ROBO1: variants seen among roughly 807,000 people sequenced by gnomAD.
The protein encoded by ROBO1 is roundabout guidance receptor 1, also known as roundabout homolog 1.
ROBO1 carries 149 observed loss-of-function variants against 195.9 expected under a neutral mutation model. That is an observed-to-expected ratio of 0.76 (90% CI 0.67 to 0.87). ROBO1 has a LOEUF of 0.87. Ranked by LOEUF, ROBO1 falls within the 40% of genes least tolerant of loss-of-function variation. The pLI, the probability that ROBO1 is intolerant of heterozygous loss-of-function variation, is 0.00. For synonymous variants in ROBO1, 816 were observed against 733.2 expected, an observed-to-expected ratio of 1.11 and a Z score of -1.82; for missense variants, 1,933 against 2,068.3, an observed-to-expected ratio of 0.93 and a Z score of 1.27.
At chr3:79,123,073 C>T (rs1576702825) in intron 3 of ROBO1, among the ~76,000 whole-genome samples, 2 of 151,976 alleles carry the variant, frequency 1.3e-5, no homozygotes, top group Non-Finnish European at 2.9e-5. Flanking sequence ...CAATGACTTA[C>T]GTGAAAATTG....
chr3:79,019,276 C>A, intron 3 of ROBO1: 7 of 985,860 alleles, frequency 7.1e-6, no homozygotes, highest in Non-Finnish European at 8.4e-6. Flanking sequence ...GGGGCAGCTG[C>A]CTGCACCCCT....
At chr3:79,676,564 C>A (rs1042245054) in intron 1 of ROBO1, among the ~76,000 whole-genome samples, 1 of 152,094 alleles carries the variant, frequency 6.6e-6, no homozygotes, top group Non-Finnish European at 1.5e-5. Flanking sequence ...AAGAGTTTCT[C>A]GGCTGACTAT....
At chr3:79,530,944 T>A (rs901845499) in intron 2 of ROBO1, among the ~76,000 whole-genome samples, 4 of 152,152 alleles carry the variant, frequency 2.6e-5, no homozygotes, top group African/African-American at 9.7e-5. Flanking sequence ...CTGTGCTGGA[T>A]ACATCATTCT....
At chr3:79,463,940 C>A (rs1039220789) in intron 2 of ROBO1, among the ~76,000 whole-genome samples, 5 of 152,234 alleles carry the variant, frequency 3.3e-5, no homozygotes, top group South Asian at 4.1e-4. Context: ...CATTCACATC[C>A]TTTCCCACTA....
intron 3 of ROBO1, among the ~76,000 whole-genome samples, chr3:79,112,798 G>C (rs1174262058): frequency 6.6e-6 from 1 of 151,994 alleles, no homozygotes; most frequent in Admixed American, 6.5e-5. Context: ...AGCATTAGGA[G>C]ATATACCTAA....
At chr3:78,848,477 A>G (rs991739732) in intron 4 of ROBO1, among the ~76,000 whole-genome samples, 1 of 152,160 alleles carries the variant, frequency 6.6e-6, no homozygotes, top group African/African-American at 2.4e-5. Context: ...AAGGGGTAAG[A>G]AAGTATACAA....
intron 2 of ROBO1, among the ~76,000 whole-genome samples, chr3:79,517,166 A>G (rs772392973): frequency 2.0e-5 from 3 of 152,234 alleles, no homozygotes; most frequent in Non-Finnish European, 4.4e-5. Context: ...ATTACTGGTT[A>G]TCACTCGTTC....
intron 2 of ROBO1, among the ~76,000 whole-genome samples, chr3:79,310,732 C>T (rs187620992): frequency 3.2e-4 from 49 of 151,790 alleles, no homozygotes; most frequent in African/African-American, 1.1e-3. Flanking sequence ...CACAAGTACC[C>T]CTTAAATATA....
chr3:78,641,101 T>C (rs1335387014), intron 21 of ROBO1, among the ~76,000 whole-genome samples: 1 of 150,206 alleles, frequency 6.7e-6, no homozygotes, highest in African/African-American at 2.5e-5. Flanking sequence ...GTGTGAGGCA[T>C]TGTTCCGTTT....
chr3:79,665,563 G>C (rs941377676), intron 1 of ROBO1, among the ~76,000 whole-genome samples: 1 of 151,788 alleles, frequency 6.6e-6, no homozygotes, highest in Non-Finnish European at 1.5e-5. Flanking sequence ...GTGAGGTCTT[G>C]TAATGTAAAT....
chr3:78,600,320 AAATAT>A lies in ROBO1; in HGVS notation c.4745-16_4745-12del, dbSNP rs1559629526. On this transcript the variant is annotated splice_polypyrimidine_tract_variant and intron_variant, in intron 29 of 30. Coordinates refer to ENST00000464233, the MANE Select transcript of ROBO1 (RefSeq NM_002941.4). ...AAGGTAGAATATCCTCTGTGTAATGAAATATAATAAATGCAGGTGAGTACCATCAT... is the reference window on the plus strand; with the variant it reads ...AAGGTAGAATATCCTCTGTGTAATGAAATAAATGCAGGTGAGTACCATCAT... 1 of 1,531,766 alleles carries A rather than the reference AAATAT, an allele frequency of 6.5e-7. No individual in the cohort carries two copies. The highest frequency in any genetic ancestry group is 1.1e-5 in the South Asian group (1 of 89,216). The allele number at this position is 1,531,766 out of a possible 1,614,324, so 94.9% of individuals were successfully genotyped here. A position where few individuals can be genotyped will look rare whatever the true frequency, so the allele number is the denominator to read the frequency against.
At chr3:79,338,537 T>C (rs1474602185) in intron 2 of ROBO1, among the ~76,000 whole-genome samples, 1 of 152,186 alleles carries the variant, frequency 6.6e-6, no homozygotes, top group Non-Finnish European at 1.5e-5. Context: ...TGTAATTCAA[T>C]GGACATGCTG....
Position 78,719,112 on chromosome 3 carries a change from C to T in ROBO1, c.658-1229G>A, listed in dbSNP as rs2081980523. On this transcript the variant is annotated intron_variant, in intron 5 of 30. Transcript: ENST00000464233. Reference sequence around the variant, plus strand: ...GTTTTTAATTTTTATGAGTTTAGAACTTGATTTTTTTTCAGTAGCATCATA... The same window carrying T: ...GTTTTTAATTTTTATGAGTTTAGAATTTGATTTTTTTTCAGTAGCATCATA... Among the ~76,000 whole-genome samples, 6 of 152,050 alleles carry T rather than the reference C, an allele frequency of 3.9e-5. No individual in the cohort carries two copies. The South Asian group carries it at 1.2e-3, about 31-fold the overall frequency.
chr3:79,211,040 T>C (rs1399672877), intron 2 of ROBO1, among the ~76,000 whole-genome samples: 6 of 152,274 alleles, frequency 3.9e-5, no homozygotes, highest in African/African-American at 1.4e-4. Context: ...AGGAAAATCT[T>C]TATAAGAGAA....
intron 2 of ROBO1, among the ~76,000 whole-genome samples, chr3:79,152,241 T>C (rs1576743630): frequency 6.6e-6 from 1 of 151,944 alleles, no homozygotes; most frequent in Non-Finnish European, 1.5e-5. Flanking sequence ...AGTACAGCTG[T>C]TTATGTTTAA....
intron 2 of ROBO1, among the ~76,000 whole-genome samples, chr3:79,318,677 A>T (rs1286338263): frequency 1.3e-5 from 2 of 152,204 alleles, no homozygotes; most frequent in Non-Finnish European, 2.9e-5. Flanking sequence ...ATGTTTTTCA[A>T]CCACAATAGC....
chr3:79,750,278 T>A (rs1273470999), intron 1 of ROBO1, among the ~76,000 whole-genome samples: 1 of 152,240 alleles, frequency 6.6e-6, no homozygotes, highest in African/African-American at 2.4e-5. Flanking sequence ...TTCCATTGTA[T>A]CTAGGAAGTA....
intron 2 of ROBO1, among the ~76,000 whole-genome samples, chr3:79,327,883 A>G (rs2034278179): frequency 6.6e-6 from 1 of 152,180 alleles, no homozygotes; most frequent in African/African-American, 2.4e-5. Context: ...ACGCCACTAC[A>G]TGAAACAGAG....
At chr3:78,755,101 T>C (rs1485936927) in intron 4 of ROBO1, among the ~76,000 whole-genome samples, 4 of 152,122 alleles carry the variant, frequency 2.6e-5, no homozygotes, top group Non-Finnish European at 4.4e-5. Flanking sequence ...TTAAGCAACA[T>C]AGTGTTATAA....
Sources: gnomAD v4.1 joint callset for allele counts (sites outside exome capture counted in the v4.1 genomes callset) on GRCh38, gnomAD v4.1.1 for gene constraint, MANE v1.5 for transcripts, NCBI Gene and HGNC (gene_info 2026-07-23, HGNC 2026-07-21) for gene names.